Variants in DHX57 observed in about 807,000 individuals in gnomAD.
DHX57 encodes the protein putative ATP-dependent RNA helicase DHX57.
DHX57 carries 105 observed loss-of-function variants against 156.2 expected under a neutral mutation model. That is an observed-to-expected ratio of 0.67 (90% CI 0.57 to 0.79). The LOEUF (loss-of-function observed/expected upper bound fraction) is 0.79. Ranked by LOEUF, DHX57 falls within the 30% of genes least tolerant of loss-of-function variation. DHX57 has a pLI of 0.00. For missense variants in DHX57, 1,847 were observed against 1,661.9 expected, an observed-to-expected ratio of 1.11 and a Z score of -1.94; for synonymous variants, 704 against 595.6, an observed-to-expected ratio of 1.18 and a Z score of -2.65.
chr2:38,834,528 T>C (rs1016360894), intron 13 of DHX57, among the ~76,000 whole-genome samples: 4 of 152,164 alleles, frequency 2.6e-5, no homozygotes, highest in South Asian at 2.1e-4. Context: ...AAGTAAGTCA[T>C]TTGTTTTGTC....
intron 15 of DHX57, among the ~76,000 whole-genome samples, 170 bp downstream of exon 15, chr2:38,826,346 A>G (rs1255576662): frequency 1.3e-5 from 2 of 152,224 alleles, no homozygotes; most frequent in African/African-American, 4.8e-5. Flanking sequence ...ATTTGATGTT[A>G]AGGTCCATGG....
chr2:38,837,794 T>C, intron 13 of DHX57, 37 bp downstream of exon 13: 1 of 1,285,988 alleles, frequency 7.8e-7, no homozygotes, highest in Non-Finnish European at 1.1e-6. Flanking sequence ...ACTAAGTGTT[T>C]CAATTGTCAT....
At position 38,862,504 on chromosome 2, in the gene DHX57, C is replaced by T. The variant is rs1385998065; in HGVS notation, c.384-171G>A. ...ATCTTGGCAATTAACATTTACCAGG[C>T]ATTTATTAAATACCAGTTACTGTGT... On this transcript the variant is annotated intron_variant, in intron 3 of 23. Coordinates refer to ENST00000457308, the MANE Select transcript of DHX57 (RefSeq NM_198963.3). 3 of 584,380 alleles carry T rather than the reference C, an allele frequency of 5.1e-6. No individual in the cohort carries two copies. In the African/African-American group the frequency reaches 5.7e-5, roughly 11 times the overall value. 36.2% of individuals were successfully genotyped at this position (584,380 alleles called of 1,614,324 possible).
chr2:38,848,172 C>T (rs1433017857), intron 10 of DHX57, 97 bp downstream of exon 10: 5 of 1,235,414 alleles, frequency 4.0e-6, no homozygotes, highest in Non-Finnish European at 5.5e-6. Flanking sequence ...AATCGCTTCT[C>T]TAGAAAGAGG....
chr2:38,842,545 T>C lies in DHX57; in HGVS notation c.2425+460A>G, dbSNP rs572054786. Among the ~76,000 whole-genome samples the C allele has an allele frequency of 7.9e-5, 12 of 152,210 alleles. No individual in the cohort carries two copies. The South Asian group carries it at 2.5e-3, about 32-fold the overall frequency. On this transcript the variant is annotated intron_variant, in intron 12 of 23. Transcript: ENST00000457308. ...TAAGGGTAAAGGAGCATCATATCTG[T>C]AACTTACTCTCAGGAGATTCAGAAA...
At chr2:38,815,475 T>G in intron 20 of DHX57, 46 bp downstream of exon 20, 1 of 1,612,056 alleles carries the variant, frequency 6.2e-7, no homozygotes, top group Non-Finnish European at 8.5e-7. Flanking sequence ...AGATTGTATT[T>G]AGGTGCTAAT....
intron 13 of DHX57, among the ~76,000 whole-genome samples, chr2:38,837,333 G>C (rs1027075457): frequency 6.6e-6 from 1 of 151,948 alleles, no homozygotes; most frequent in South Asian, 2.1e-4. Context: ...GGACTAGGCC[G>C]GGCACGGTGG....
intron 9 of DHX57, among the ~76,000 whole-genome samples, 171 bp from the exon 10 acceptor site, chr2:38,848,573 A>T (rs1178303553): frequency 6.6e-6 from 1 of 152,132 alleles, no homozygotes; most frequent in Non-Finnish European, 1.5e-5. Context: ...TTACTATTAC[A>T]GGTTGAATAT....
At chr2:38,808,503 T>C (rs1670073411) in intron 21 of DHX57, among the ~76,000 whole-genome samples, 2 of 152,332 alleles carry the variant, frequency 1.3e-5, no homozygotes, top group East Asian at 3.9e-4. Flanking sequence ...TATAAGACCT[T>C]GTTGTAAGAA....
At chr2:38,831,714 G>A (rs750935169) in intron 13 of DHX57, among the ~76,000 whole-genome samples, 36 of 151,792 alleles carry the variant, frequency 2.4e-4, no homozygotes, top group Admixed American at 1.8e-3. Flanking sequence ...AAAATTAGCC[G>A]GGCATGGTGG....
chr2:38,875,340 C>T (rs1286728379), intron 1 of DHX57, among the ~76,000 whole-genome samples: 1 of 152,066 alleles, frequency 6.6e-6, no homozygotes, highest in Non-Finnish European at 1.5e-5. Context: ...TACTCTCCTC[C>T]CAGGCAGATC....
At chr2:38,820,033 G>T (rs1436672876) in intron 17 of DHX57, among the ~76,000 whole-genome samples, 2 of 152,160 alleles carry the variant, frequency 1.3e-5, no homozygotes, top group Non-Finnish European at 2.9e-5. Flanking sequence ...AGCATGAGCT[G>T]CAGTAGTTTC....
chr2:38,858,747 T>A lies in DHX57; in HGVS notation c.1501A>T (p.Lys501Ter). Residue 501 changes from lysine (K) to a stop codon, truncating the protein, a stop_gained, in exon 6 of 24, where the codon AAA becomes TAA. Transcript: ENST00000457308. LOFTEE classifies it high-confidence loss of function. Reference protein sequence around the residue: ...VENESYVNLKKKISKRYDWQA... With the variant: ...VENESYVNLK ...CAGTCATATCTTTTGGAAATCTTTT[T>A]CTTAAGGTTCACATAGCTTTCATTC... 2 of 1,614,154 alleles carry A rather than the reference T, an allele frequency of 1.2e-6. No individual in the cohort carries two copies. Among genetic ancestry groups the A allele is most frequent in the Non-Finnish European group, 1.7e-6 (2 of 1,180,016 alleles).
intron 1 of DHX57, among the ~76,000 whole-genome samples, chr2:38,873,002 T>G (rs1459919074): frequency 6.6e-6 from 1 of 152,142 alleles, no homozygotes; most frequent in African/African-American, 2.4e-5. Flanking sequence ...ATTTTTTTTT[T>G]TTTAAGACAG....
rs1395050102 is a variant in DHX57, at chr2:38,861,421, A to G, written c.989T>C (p.Ile330Thr). ...RFKHEVPPNQ[I>T]VGRIERSVDD... ...TACACTTCTTTCTATTCTTCCAACAATTTGATTTGGGGGCACTTCATGTTT... is the reference window on the plus strand; with the variant it reads ...TACACTTCTTTCTATTCTTCCAACAGTTTGATTTGGGGGCACTTCATGTTT... The change falls in exon 5 of 24, where the codon ATT becomes ACT. Residue 330 changes from isoleucine (I) to threonine (T), a missense_variant. By Grantham distance (89) the Ile-to-Thr change is moderately conservative (BLOSUM62 -1). Transcript: ENST00000457308. 1.9e-6 allele frequency: 3 copies of G among 1,614,056 alleles called. No homozygotes were observed. Among genetic ancestry groups the G allele is most frequent in the Admixed American group, 3.3e-5 (2 of 60,002 alleles).
intron 1 of DHX57, among the ~76,000 whole-genome samples, chr2:38,872,472 A>C (rs1415942222): frequency 6.6e-6 from 1 of 152,216 alleles, no homozygotes; most frequent in Non-Finnish European, 1.5e-5. Context: ...ATCCAAATAT[A>C]TTCTGTCTGC....
chr2:38,809,238 G>C (rs1670109696), intron 21 of DHX57, among the ~76,000 whole-genome samples: 1 of 151,988 alleles, frequency 6.6e-6, no homozygotes, highest in Non-Finnish European at 1.5e-5. Flanking sequence ...TCCCATCTCA[G>C]CCTCCCGAGT....
At chr2:38,814,814 C>A (rs1015205062) in intron 20 of DHX57, among the ~76,000 whole-genome samples, 2 of 152,060 alleles carry the variant, frequency 1.3e-5, no homozygotes, top group Non-Finnish European at 2.9e-5. Flanking sequence ...CTTCCACCTC[C>A]CGGGTTCAAG....
intron 21 of DHX57, chr2:38,810,706 C>A: frequency 2.7e-6 from 2 of 753,146 alleles, no homozygotes; most frequent in Non-Finnish European, 4.7e-6. Flanking sequence ...GTGCCAGAAA[C>A]CGGTGTACAC....
Sources: allele counts gnomAD v4.1 joint callset (sites outside exome capture counted in the v4.1 genomes callset), GRCh38; gene constraint gnomAD v4.1.1; transcripts MANE v1.5; gene names NCBI Gene and HGNC (gene_info 2026-07-23, HGNC 2026-07-21).